The following USP33 variants were observed in gnomAD, a reference collection of about 807,000 sequenced individuals.
USP33 encodes the protein ubiquitin specific peptidase 33.
USP33 carries 46 observed loss-of-function variants against 124.2 expected under a neutral mutation model. That is an observed-to-expected ratio of 0.37 (90% CI 0.29 to 0.47). The LOEUF (loss-of-function observed/expected upper bound fraction) is 0.47. Ranked by LOEUF, USP33 falls within the 20% of genes least tolerant of loss-of-function variation. The pLI is 0.99. For missense variants in USP33, 851 were observed against 1,070.6 expected, an observed-to-expected ratio of 0.79 and a Z score of 2.86; for synonymous variants, 350 against 352.3, an observed-to-expected ratio of 0.99 and a Z score of 0.07.
chr1:77,754,168 C>G lies in USP33; in HGVS notation c.-52+5475G>C, dbSNP rs529629239. 6.6e-5 allele frequency among the ~76,000 whole-genome samples: 10 copies of G among 152,268 alleles called. No homozygotes were observed. In the South Asian group the frequency reaches 1.2e-3, roughly 19 times the overall value. On this transcript the variant is annotated intron_variant, in intron 1 of 23. Coordinates refer to ENST00000370794, the MANE Select transcript of USP33 (RefSeq NM_201624.3). ...CTGTCAGAGGTGCTTCAAAGGACAG[C>G]AAGCACTTTGCACTAAAAACTCAGA...
At chr1:77,709,933 TATC>T (rs1468724084) in intron 21 of USP33, among the ~76,000 whole-genome samples, 1 of 151,344 alleles carries the variant, frequency 6.6e-6, no homozygotes, top group Admixed American at 6.6e-5. Context: ...ACTCAGCTAT[TATC>T]ATGAGTTCAC....
intron 22 of USP33, among the ~76,000 whole-genome samples, chr1:77,700,159 T>G (rs1301898982): frequency 6.6e-6 from 1 of 152,238 alleles, no homozygotes; most frequent in Non-Finnish European, 1.5e-5. Flanking sequence ...TGTTTACCTA[T>G]GTAACAAACC....
At chr1:77,721,454 G>A (rs189763111) in intron 14 of USP33, 53 of 561,326 alleles carry the variant, frequency 9.4e-5, no homozygotes, top group African/African-American at 8.5e-4. Flanking sequence ...CTGACTGCCT[G>A]TCATATGTCC....
intron 1 of USP33, among the ~76,000 whole-genome samples, chr1:77,750,420 C>A (rs1339861800): frequency 6.6e-6 from 1 of 151,714 alleles, no homozygotes; most frequent in African/African-American, 2.4e-5. Flanking sequence ...ATCATTTGAG[C>A]TGACGAGTTC....
chr1:77,725,263 G>C (rs1225029427), intron 11 of USP33, among the ~76,000 whole-genome samples: 1 of 152,030 alleles, frequency 6.6e-6, no homozygotes, highest in African/African-American at 2.4e-5. Flanking sequence ...GAGGATCAAG[G>C]GTGCCAGAAC....
chr1:77,743,595 C>A (rs1679382468), intron 1 of USP33, among the ~76,000 whole-genome samples: 1 of 152,086 alleles, frequency 6.6e-6, no homozygotes, highest in Admixed American at 6.6e-5. Flanking sequence ...CTGTCTCAGC[C>A]TCCCATGTAG....
chr1:77,739,604 C>G (rs1021774980), intron 4 of USP33, among the ~76,000 whole-genome samples, 187 bp from the exon 5 acceptor site: 1 of 152,188 alleles, frequency 6.6e-6, no homozygotes, highest in Admixed American at 6.5e-5. Context: ...GTAACAACAT[C>G]TAAGCCTACT....
intron 3 of USP33, 75 bp downstream of exon 3, chr1:77,741,301 T>A (rs1481136339): frequency 4.9e-6 from 7 of 1,432,024 alleles, no homozygotes; most frequent in Admixed American, 5.0e-5. Flanking sequence ...GTATCAAAAA[T>A]TTTCTGGTTA....
rs745681259 is a variant in USP33 at position 77,720,165 on chromosome 1, G to GAAAAAA, written c.1691+1001_1691+1006dup. Among the ~76,000 whole-genome samples the GAAAAAA allele has an allele frequency of 1.3e-3, 55 of 42,742 alleles. 5 individuals carry two copies. The highest frequency in any genetic ancestry group is 2.8e-3 in the African/African-American group (36 of 13,082). 28.0% of individuals were successfully genotyped at this position (42,742 alleles called of 152,430 possible). A position where few individuals can be genotyped will look rare whatever the true frequency, so the allele number is the denominator to read the frequency against. ...GACAGAATGAGACTATGTCTCAAAT[G>GAAAAAA]AAAAAAAAAAAAAAAAAAAAAAAAA... On this transcript the variant is annotated intron_variant, in intron 15 of 23. Coordinates refer to ENST00000370794, the MANE Select transcript of USP33 (RefSeq NM_201624.3).
intron 4 of USP33, among the ~76,000 whole-genome samples, chr1:77,740,587 C>T (rs1679014270): frequency 6.6e-6 from 1 of 152,172 alleles, no homozygotes; most frequent in Non-Finnish European, 1.5e-5. Flanking sequence ...AACTCCTGAC[C>T]TCAGGTGATC....
At chr1:77,711,707 T>C (rs756006407) in intron 21 of USP33, 40 bp downstream of exon 21, 6 of 1,586,572 alleles carry the variant, frequency 3.8e-6, no homozygotes, top group Non-Finnish European at 5.1e-6. Context: ...CAGGTCTTCA[T>C]CTTTATCCTA....
At chr1:77,742,679 T>A (rs1185430355) in intron 1 of USP33, among the ~76,000 whole-genome samples, 1 of 152,182 alleles carries the variant, frequency 6.6e-6, no homozygotes, top group East Asian at 1.9e-4. Flanking sequence ...TAACAGGGCT[T>A]TTCATGCTCT....
intron 4 of USP33, 30 bp from the exon 5 acceptor site, chr1:77,739,447 G>T: frequency 6.5e-7 from 1 of 1,536,346 alleles, no homozygotes; most frequent in South Asian, 1.3e-5. Flanking sequence ...AGGGAAAAGA[G>T]GAACCAAAAT....
At chr1:77,713,523 T>C in intron 19 of USP33, 3 of 338,446 alleles carry the variant, frequency 8.9e-6, no homozygotes, top group Non-Finnish European at 1.6e-5. Context: ...TAGCTGGGAC[T>C]ACAGGCATGC....
intron 18 of USP33, 105 bp from the exon 19 acceptor site, chr1:77,714,888 T>C (rs1289656035): frequency 1.7e-6 from 2 of 1,159,816 alleles, no homozygotes; most frequent in Non-Finnish European, 2.5e-6. Flanking sequence ...ACACTATCTT[T>C]ATTAGGTCTT....
intron 19 of USP33, chr1:77,713,539 C>A: frequency 3.6e-6 from 1 of 280,538 alleles, no homozygotes; most frequent in Non-Finnish European, 6.4e-6. Context: ...CATGCTTCAA[C>A]ACACCCAGCT....
chr1:77,702,166 A>C (rs1159310073), intron 21 of USP33, among the ~76,000 whole-genome samples: 1 of 126,492 alleles, frequency 7.9e-6, no homozygotes, highest in Non-Finnish European at 1.9e-5. Context: ...AAAAAAAAAA[A>C]AAAAAAAAAA....
chr1:77,705,855 T>C (rs1172904815), intron 21 of USP33, among the ~76,000 whole-genome samples: 2 of 152,118 alleles, frequency 1.3e-5, no homozygotes, highest in African/African-American at 4.8e-5. Flanking sequence ...GAAATCACTG[T>C]TTGTCTCCAC....
At chr1:77,721,806 T>A (rs996471641) in intron 14 of USP33, 25 bp downstream of exon 14, 1 of 1,580,832 alleles carries the variant, frequency 6.3e-7, no homozygotes, top group African/African-American at 1.4e-5. Flanking sequence ...TACAAAAATT[T>A]AGCCATAGAT....
Sources: allele counts gnomAD v4.1 joint callset (sites outside exome capture counted in the v4.1 genomes callset), GRCh38; gene constraint gnomAD v4.1.1; transcripts MANE v1.5; gene names NCBI Gene and HGNC (gene_info 2026-07-23, HGNC 2026-07-21).